Variants in HIPK2 observed in about 807,000 individuals in gnomAD.
HIPK2 encodes homeodomain-interacting protein kinase 2.
A neutral mutation model predicts 113.7 loss-of-function variants in HIPK2; 27 were observed. The observed-to-expected ratio is 0.24, with a 90% CI of 0.17 to 0.33. HIPK2 has a LOEUF of 0.33. Among genes scored for constraint, HIPK2 ranks in the 10% least tolerant of loss-of-function variants. HIPK2 has a pLI of 1.00. For missense variants in HIPK2, 1,257 were observed against 1,588.0 expected (o/e 0.79, Z 3.54); for synonymous variants, 631 against 642.2 (o/e 0.98, Z 0.26).
chr7:139,727,870 G>A (rs989605140), intron 1 of HIPK2, among the ~76,000 whole-genome samples: 3 of 151,810 alleles, frequency 2.0e-5, no homozygotes, highest in Non-Finnish European at 2.9e-5. Context: ...GAAACTGATG[G>A]GATCAATGAA....
chr7:139,738,253 A>C (rs1457239580), intron 1 of HIPK2, among the ~76,000 whole-genome samples: 1 of 152,258 alleles, frequency 6.6e-6, no homozygotes, highest in Admixed American at 6.5e-5. Flanking sequence ...CATTCTCTTC[A>C]GTTGATCTCT....
At chr7:139,734,870 T>C (rs1795894216) in intron 1 of HIPK2, among the ~76,000 whole-genome samples, 1 of 152,296 alleles carries the variant, frequency 6.6e-6, no homozygotes, top group South Asian at 2.1e-4. Context: ...AATTTATAAA[T>C]AGAGATCTGC....
chr7:139,627,053 A>T (rs1002615962), intron 5 of HIPK2, among the ~76,000 whole-genome samples: 1 of 152,166 alleles, frequency 6.6e-6, no homozygotes, highest in South Asian at 2.1e-4. Flanking sequence ...TATCTGAATG[A>T]CAGGATGTAA....
chr7:139,596,752 C>T lies in HIPK2; in HGVS notation c.2682G>A (p.Thr894=), dbSNP rs535029369. The change falls in exon 12 of 15, where the codon ACG becomes ACA. Residue 894 remains threonine, a synonymous_variant. Transcript: ENST00000406875. ...TVSVITISSD[T]DEEEEQKHAP... is the part of the protein sequence containing the mutation. The stretch of plus-strand genomic sequence containing the variant: ...CGTGTTTCTGTTCCTCCTCCTCGTC[C>T]GTGTCACTGCTGATGGTGATGACGC... 20 of 1,613,088 alleles carry T rather than the reference C, an allele frequency of 1.2e-5. No individual in the cohort carries two copies. The highest frequency in any genetic ancestry group is 1.6e-4 in the Middle Eastern group (1 of 6,080).
intron 13 of HIPK2, among the ~76,000 whole-genome samples, chr7:139,577,103 C>T (rs1798516543): frequency 6.7e-6 from 1 of 148,586 alleles, no homozygotes; most frequent in African/African-American, 2.5e-5. Context: ...GCAAAAGCAA[C>T]AAACAGACCC....
At chr7:139,650,890 T>G (rs1483223654) in intron 2 of HIPK2, among the ~76,000 whole-genome samples, 2 of 152,242 alleles carry the variant, frequency 1.3e-5, no homozygotes, top group Non-Finnish European at 1.5e-5. Context: ...CTTGGGTGAC[T>G]GCAGCCTGGG....
At chr7:139,707,747 C>T (rs896996965) in intron 2 of HIPK2, among the ~76,000 whole-genome samples, 6 of 152,230 alleles carry the variant, frequency 3.9e-5, no homozygotes, top group African/African-American at 1.4e-4. Context: ...CTGTTGGATG[C>T]ATACATGAGA....
chr7:139,675,412 G>C (rs373616229), intron 2 of HIPK2, among the ~76,000 whole-genome samples: 1 of 152,086 alleles, frequency 6.6e-6, no homozygotes, highest in African/African-American at 2.4e-5. Context: ...CTAGGCGCTT[G>C]GAGTCTGGGG....
At chr7:139,638,710 T>G (rs1223341257) in intron 2 of HIPK2, among the ~76,000 whole-genome samples, 2 of 148,110 alleles carry the variant, frequency 1.4e-5, no homozygotes, top group African/African-American at 5.1e-5. Context: ...CAGGCTGGAG[T>G]GCAGTGGCGC....
intron 1 of HIPK2, among the ~76,000 whole-genome samples, chr7:139,745,006 G>C (rs1313184785): frequency 6.6e-6 from 1 of 152,214 alleles, no homozygotes; most frequent in African/African-American, 2.4e-5. Flanking sequence ...GTACTGACCT[G>C]TCCAACCAAA....
intron 1 of HIPK2, among the ~76,000 whole-genome samples, chr7:139,759,435 ATTTC>A (rs1796428088): frequency 6.6e-6 from 1 of 152,336 alleles, no homozygotes; most frequent in Admixed American, 6.5e-5. Flanking sequence ...CATTTCTAGG[ATTTC>A]ATTTCACAGA....
intron 1 of HIPK2, among the ~76,000 whole-genome samples, chr7:139,745,440 C>A (rs1796173858): frequency 6.6e-6 from 1 of 152,202 alleles, no homozygotes; most frequent in African/African-American, 2.4e-5. Context: ...CATGGGGAAC[C>A]ACTTGAGAAG....
intron 7 of HIPK2, among the ~76,000 whole-genome samples, chr7:139,615,003 G>A (rs761369060): frequency 3.4e-4 from 51 of 152,134 alleles, no homozygotes; most frequent in Non-Finnish European, 6.3e-4. Context: ...CCCACAACAT[G>A]ATGAGCTCTG....
chr7:139,677,080 C>T lies in HIPK2; in HGVS notation c.1103+38852G>A, dbSNP rs1425096710. Among the ~76,000 whole-genome samples, 6 of 151,794 alleles carry T rather than the reference C, an allele frequency of 4.0e-5. 1 individual carries two copies. The South Asian group carries it at 1.0e-3, about 26-fold the overall frequency. On this transcript the variant is annotated intron_variant, in intron 2 of 14. Coordinates refer to ENST00000406875, the MANE Select transcript of HIPK2 (RefSeq NM_022740.5). ...TTCACCATGTTGGCCAGGCTGGTCT[C>T]GAACTCCTGACCTCAGGTGATCCAC...
At chr7:139,742,258 C>A (rs1182930359) in intron 1 of HIPK2, among the ~76,000 whole-genome samples, 21 of 152,194 alleles carry the variant, frequency 1.4e-4, no homozygotes, top group Admixed American at 1.4e-3. Context: ...CAGATTTCTT[C>A]TTCCATGAAG....
At chr7:139,674,198 A>C (rs1489618887) in intron 2 of HIPK2, among the ~76,000 whole-genome samples, 1 of 152,220 alleles carries the variant, frequency 6.6e-6, no homozygotes, top group Non-Finnish European at 1.5e-5. Flanking sequence ...TTAGTTTATA[A>C]GGAATCTTCC....
At chr7:139,707,703 G>A (rs985424003) in intron 2 of HIPK2, among the ~76,000 whole-genome samples, 5 of 152,226 alleles carry the variant, frequency 3.3e-5, no homozygotes, top group Admixed American at 3.3e-4. Context: ...GCACAACACA[G>A]TGTATGGCAC....
chr7:139,615,170 C>A (rs1174817824), intron 7 of HIPK2, among the ~76,000 whole-genome samples: 2 of 152,224 alleles, frequency 1.3e-5, no homozygotes, highest in African/African-American at 4.8e-5. Context: ...CACAGGAGCA[C>A]ATGCAACAGG....
chr7:139,724,186 G>T (rs1795501429), intron 1 of HIPK2, among the ~76,000 whole-genome samples: 1 of 151,884 alleles, frequency 6.6e-6, no homozygotes. Flanking sequence ...ACCTAGAAAG[G>T]GTTAATCTGT....
Sources: allele counts gnomAD v4.1 joint callset (sites outside exome capture counted in the v4.1 genomes callset), GRCh38; gene constraint gnomAD v4.1.1; transcripts MANE v1.5; gene names NCBI Gene and HGNC (gene_info 2026-07-23, HGNC 2026-07-21).